ROS1: variants seen among roughly 807,000 people sequenced by gnomAD.
ROS1 encodes the protein proto-oncogene tyrosine-protein kinase ROS.
ROS1 carries 263 observed loss-of-function variants against 273.5 expected under a neutral mutation model. That is an observed-to-expected ratio of 0.96 (90% CI 0.87 to 1.06). ROS1 has a LOEUF of 1.06. Ranked by LOEUF, ROS1 falls within the 50% of genes least tolerant of loss-of-function variation. The probability of loss-of-function intolerance (pLI) is 0.00; values close to 1 mark genes in which losing one functional copy is unlikely to be tolerated. For synonymous variants in ROS1, 1,008 were observed against 954.1 expected (o/e 1.06, Z -1.04); for missense variants, 2,833 against 2,751.1 (o/e 1.03, Z -0.67).
intron 35 of ROS1, 90 bp from the exon 36 acceptor site, chr6:117,321,484 T>C (rs981997849): frequency 8.9e-7 from 1 of 1,120,612 alleles, no homozygotes; most frequent in Admixed American, 2.5e-5. Context: ...GAAGTGTTTT[T>C]ATGCAAGAAC....
At chr6:117,321,472 T>G (rs1360091688) in intron 35 of ROS1, 78 bp from the exon 36 acceptor site, 3 of 1,278,018 alleles carry the variant, frequency 2.3e-6, no homozygotes, top group Non-Finnish European at 3.2e-6. Flanking sequence ...AACAGTGCAT[T>G]TGAAGTGTTT....
In ROS1 at chr6:117,341,760, A is replaced by C. The variant is rs114012530; in HGVS notation, c.4652-128T>G. 2.0e-3 allele frequency: 1,375 copies of C among 678,654 alleles called. 10 individuals are homozygous for C. The African/African-American group carries it at 0.021, about 10-fold the overall frequency. The allele number at this position is 678,654 out of a possible 1,614,324, so 42.0% of individuals were successfully genotyped here. A position where few individuals can be genotyped will look rare whatever the true frequency, so the allele number is the denominator to read the frequency against. ...GAATAAATAACACATGTCCAGAAAG[A>C]AAGTCAGCCTCTTCTATAATCGTAG... On this transcript the variant is annotated intron_variant, in intron 29 of 43. Transcript: ENST00000368507.
At chr6:117,384,833 G>C (rs913260535) in intron 16 of ROS1, among the ~76,000 whole-genome samples, 7 of 152,196 alleles carry the variant, frequency 4.6e-5, no homozygotes, top group Non-Finnish European at 7.3e-5. Context: ...GAGGGCAGGA[G>C]GAAGGAGGGG....
chr6:117,401,797 T>C (rs1448557692), intron 7 of ROS1, among the ~76,000 whole-genome samples: 1 of 119,630 alleles, frequency 8.4e-6, no homozygotes, highest in Non-Finnish European at 1.7e-5. Flanking sequence ...ATAACAAACT[T>C]TTCAGTAAAA....
Position 117,362,739 on chromosome 6 carries a change from A to G in ROS1, c.3230T>C (p.Phe1077Ser). 6.2e-7 allele frequency: 1 copy of G among 1,613,728 alleles called. No homozygotes were observed. Among genetic ancestry groups the G allele is most frequent in the Non-Finnish European group, 8.5e-7 (1 of 1,179,760 alleles). Reference protein sequence around the residue: ...PKHENGVLTKFEIFYNISNQS... With the variant: ...PKHENGVLTKSEIFYNISNQS... ...ATTGGATATATTGTAGAAAATTTCA[A>G]ATTTTGTTAACACCCCATTTTCATG... Residue 1077 changes from phenylalanine (F) to serine (S), a missense_variant, in exon 22 of 44, where the codon TTT (phenylalanine) becomes TCT (serine). Transcript: ENST00000368507.
chr6:117,347,912 A>G (rs1178402202), intron 27 of ROS1, among the ~76,000 whole-genome samples: 1 of 152,068 alleles, frequency 6.6e-6, no homozygotes, highest in Non-Finnish European at 1.5e-5. Flanking sequence ...TAGCTGGGAT[A>G]AATCCCACTT....
chr6:117,345,872 G>T (rs904744698), intron 27 of ROS1, among the ~76,000 whole-genome samples: 1 of 152,088 alleles, frequency 6.6e-6, no homozygotes, highest in African/African-American at 2.4e-5. Context: ...GGTCTGGTCT[G>T]GGAATTCCAA....
At chr6:117,396,072 AT>A in intron 9 of ROS1, 115 bp downstream of exon 9, 1 of 567,108 alleles carries the variant, frequency 1.8e-6, no homozygotes, top group Non-Finnish European at 3.2e-6. Flanking sequence ...GACAATAATC[AT>A]TTGGGCAGAA....
chr6:117,344,296 T>C, intron 27 of ROS1, 34 bp from the exon 28 acceptor site: 1 of 1,464,810 alleles, frequency 6.8e-7, no homozygotes, highest in Non-Finnish European at 9.5e-7. Flanking sequence ...ATTAAATATC[T>C]ATACTATATA....
At chr6:117,361,526 T>C (rs989477522) in intron 22 of ROS1, among the ~76,000 whole-genome samples, 1 of 148,152 alleles carries the variant, frequency 6.7e-6, no homozygotes, top group Admixed American at 6.8e-5. Flanking sequence ...GTGACCAAAA[T>C]TTGAAACTAT....
At chr6:117,328,054 T>C (rs1776775230) in intron 33 of ROS1, among the ~76,000 whole-genome samples, 2 of 152,216 alleles carry the variant, frequency 1.3e-5, no homozygotes, top group South Asian at 4.1e-4. Flanking sequence ...GTCTACTGTT[T>C]CAAGCCACCC....
intron 24 of ROS1, 119 bp downstream of exon 24, chr6:117,359,689 TC>T: frequency 1.2e-5 from 9 of 778,224 alleles, no homozygotes; most frequent in Non-Finnish European, 1.9e-5. Flanking sequence ...TTATACAATA[TC>T]TGTCCTTTTC....
At position 117,310,218 on chromosome 6, in the gene ROS1, C is replaced by A. The variant is rs1231534643; in HGVS notation, c.6279G>T (p.Lys2093Asn). The A allele has an allele frequency of 1.9e-6, 3 of 1,613,250 alleles. No homozygotes were observed. The highest frequency in any genetic ancestry group is 1.3e-5 in the African/African-American group (1 of 74,826). ...CTCTGGCGAGTCCAAAGTCTCCAATCTTCACTATCCGTGGACTGGTATAGT... is the reference window on the plus strand; with the variant it reads ...CTCTGGCGAGTCCAAAGTCTCCAATATTCACTATCCGTGGACTGGTATAGT... ...VKDYTSPRIV[K>N]IGDFGLARDI... Residue 2093 changes from lysine (K) to asparagine (N), a missense_variant, in exon 41 of 44, where the codon AAG (lysine) becomes AAT (asparagine). By Grantham distance (94) the Lys-to-Asn change is moderately conservative. Coordinates refer to ENST00000368507, the MANE Select transcript of ROS1 (RefSeq NM_001378902.1).
At chr6:117,389,111 C>T (rs549522605) in intron 13 of ROS1, among the ~76,000 whole-genome samples, 1 of 152,310 alleles carries the variant, frequency 6.6e-6, no homozygotes, top group East Asian at 1.9e-4. Flanking sequence ...TTAGCAGACA[C>T]TCAATAAATG....
rs748687432 is a variant in ROS1, at chr6:117,301,081, T to C, written c.6608A>G (p.His2203Arg). 6.2e-7 allele frequency: 1 copy of C among 1,604,242 alleles called. No individual in the cohort carries two copies. The highest frequency in any genetic ancestry group is 1.1e-5 in the South Asian group (1 of 88,008). ...TAACTGAAGTTGGTCCTGAATTCTA[T>C]GAAAAGTAGGTCTTTGGTCGGGTTC... ...AQEPDQRPTF[H>R]RIQDQLQLFR... Residue 2203 changes from histidine to arginine, a missense_variant, in exon 43 of 44, where the codon CAT becomes CGT. Transcript: ENST00000368507.
At chr6:117,330,596 C>T (rs1263944795) in intron 32 of ROS1, among the ~76,000 whole-genome samples, 2 of 152,182 alleles carry the variant, frequency 1.3e-5, no homozygotes, top group Non-Finnish European at 2.9e-5. Context: ...CCCTTGAAGT[C>T]AGAGGTCCCA....
intron 5 of ROS1, among the ~76,000 whole-genome samples, chr6:117,408,194 A>C (rs1312830769): frequency 6.6e-6 from 1 of 151,926 alleles, no homozygotes; most frequent in African/African-American, 2.4e-5. Context: ...AATGGCAACA[A>C]AAGCCAAAAT....
At chr6:117,325,554 T>C (rs2128579295) in intron 34 of ROS1, among the ~76,000 whole-genome samples, 1 of 152,274 alleles carries the variant, frequency 6.6e-6, no homozygotes. Context: ...CAGAGAGGGA[T>C]TAAGTAATCC....
Position 117,416,257 on chromosome 6 carries a change from C to G in ROS1, c.228+1G>C. 2 of 1,549,562 alleles carry G rather than the reference C, an allele frequency of 1.3e-6. No homozygotes were observed. The highest frequency in any genetic ancestry group is 1.8e-6 in the Non-Finnish European group (2 of 1,121,446). On this transcript the variant is annotated splice_donor_variant, in intron 3 of 43. Transcript: ENST00000368507. LOFTEE classifies it high-confidence loss of function. Reference sequence around the variant, plus strand: ...AAAATAGAAATCTAATTAATACTTACACACTTTAAAGCACAGTTTTTCTGA... The same window carrying G: ...AAAATAGAAATCTAATTAATACTTAGACACTTTAAAGCACAGTTTTTCTGA...
Sources: gnomAD v4.1 joint callset for allele counts (sites outside exome capture counted in the v4.1 genomes callset) on GRCh38, gnomAD v4.1.1 for gene constraint, MANE v1.5 for transcripts, NCBI Gene and HGNC (gene_info 2026-07-23, HGNC 2026-07-21) for gene names.